Variants in IQANK1 observed in about 807,000 individuals in gnomAD.
The protein encoded by IQANK1 is IQ motif and ankyrin repeat domain-containing protein 1.
IQANK1 carries 30 observed loss-of-function variants against 22.6 expected under a neutral mutation model. The ratio of observed to expected loss-of-function variants is 1.33; its 90% confidence interval spans 0.99 to 1.80. The LOEUF is 1.80. IQANK1 is among the 40% of genes most tolerant of loss of function. IQANK1 has a pLI of 0.00. For missense variants in IQANK1, 275 were observed against 235.2 expected, an observed-to-expected ratio of 1.17 and a Z score of -1.11; for synonymous variants, 122 against 99.6, an observed-to-expected ratio of 1.23 and a Z score of -1.34.
intron 7 of IQANK1, among the ~76,000 whole-genome samples, chr8:143,785,253 C>CTTTTT (rs36118052): frequency 5.4e-5 from 5 of 92,010 alleles, no homozygotes; most frequent in Admixed American, 1.3e-4. Context: ...TGTTCTGTAT[C>CTTTTT]TTTTTTTTTT....
intron 3 of IQANK1, among the ~76,000 whole-genome samples, chr8:143,768,071 C>T (rs1021737608): frequency 1.3e-5 from 2 of 150,956 alleles, no homozygotes; most frequent in African/African-American, 2.4e-5. Flanking sequence ...TTAGTAGAGA[C>T]GGGGTTTCAC....
intron 3 of IQANK1, among the ~76,000 whole-genome samples, chr8:143,768,500 G>A (rs998910409): frequency 2.6e-5 from 4 of 152,074 alleles, no homozygotes; most frequent in African/African-American, 4.8e-5. Context: ...CCACTGAAAC[G>A]TGCGCCGGCG....
chr8:143,780,552 G>A (rs576708998), intron 7 of IQANK1, among the ~76,000 whole-genome samples: 32 of 152,054 alleles, frequency 2.1e-4, no homozygotes, highest in Admixed American at 1.0e-3. Flanking sequence ...TTTAGCTCCC[G>A]TTTACAGGTG....
chr8:143,755,739 C>T lies in IQANK1; in HGVS notation c.176-15749C>T, dbSNP rs530455379. Reference sequence around the variant, plus strand: ...CAAGAACAAATTCATATCTAGAATCCATTCCTCCAGTGAGGACACGCAGTG... The same window carrying T: ...CAAGAACAAATTCATATCTAGAATCTATTCCTCCAGTGAGGACACGCAGTG... On this transcript the variant is annotated intron_variant, in intron 3 of 13. Transcript: ENST00000527139. 5.9e-4 allele frequency among the ~76,000 whole-genome samples: 90 copies of T among 152,310 alleles called. 1 individual carries two copies. The highest frequency in any genetic ancestry group is 1.8e-3 in the African/African-American group (74 of 41,552).
intron 3 of IQANK1, among the ~76,000 whole-genome samples, chr8:143,740,298 C>T (rs1818871162): frequency 1.3e-5 from 2 of 152,176 alleles, no homozygotes; most frequent in South Asian, 2.1e-4. Context: ...GTGCCCGCCC[C>T]GCGCGCGCCG....
At chr8:143,747,708 T>C (rs1819057909) in intron 3 of IQANK1, among the ~76,000 whole-genome samples, 1 of 152,208 alleles carries the variant, frequency 6.6e-6, no homozygotes, top group South Asian at 2.1e-4. Context: ...ACTTCTGTTA[T>C]TGATTTCTAA....
At chr8:143,780,407 G>T (rs1404174534) in intron 7 of IQANK1, among the ~76,000 whole-genome samples, 1 of 151,952 alleles carries the variant, frequency 6.6e-6, no homozygotes, top group Non-Finnish European at 1.5e-5. Context: ...GGGATTTGTC[G>T]TACAGATTAT....
At chr8:143,736,264 C>T (rs782095904) in intron 2 of IQANK1, among the ~76,000 whole-genome samples, 9 of 152,090 alleles carry the variant, frequency 5.9e-5, no homozygotes, top group Non-Finnish European at 8.8e-5. Flanking sequence ...TTCAGCCTCC[C>T]GAGTAGCTGG....
At chr8:143,781,393 G>T (rs1389067554) in intron 7 of IQANK1, among the ~76,000 whole-genome samples, 1 of 152,062 alleles carries the variant, frequency 6.6e-6, no homozygotes, top group Non-Finnish European at 1.5e-5. Flanking sequence ...TGAAATTTTT[G>T]CCCGTTCTTA....
chr8:143,776,352 GA>G (rs1282501546), intron 7 of IQANK1, among the ~76,000 whole-genome samples: 29 of 143,246 alleles, frequency 2.0e-4, no homozygotes, highest in African/African-American at 7.1e-4. Flanking sequence ...AAAAGAAAAA[GA>G]AAAAAGAAAA....
rs189642812 is a variant in IQANK1, at chr8:143,772,164, C to T, written c.584C>T (p.Pro195Leu). The T allele has an allele frequency of 4.0e-3, 1,559 of 394,314 alleles. 4 individuals carry two copies. The highest frequency in any genetic ancestry group is 5.4e-3 in the Non-Finnish European group (1,200 of 223,286). The allele number at this position is 394,314 out of a possible 1,614,324, so 24.4% of individuals were successfully genotyped here. The change falls in exon 6 of 14, where the codon CCG becomes CTG. Residue 195 changes from proline (P) to leucine (L), a missense_variant. Pro to Leu is a moderately conservative substitution (Grantham distance 98). Transcript: ENST00000527139. ...TGCGAGGACAGCTACGGGAACACGCCGCTGTCGGAGGCGGCCGCAGGCGGG... is the reference window on the plus strand; with the variant it reads ...TGCGAGGACAGCTACGGGAACACGCTGCTGTCGGAGGCGGCCGCAGGCGGG... ...AECEDSYGNTPLSEAAAGGQP... is the reference protein window; with the variant it reads ...AECEDSYGNTLLSEAAAGGQP...
At chr8:143,743,722 G>T (rs1178544476) in intron 3 of IQANK1, 1 of 327,318 alleles carries the variant, frequency 3.1e-6, no homozygotes, top group Non-Finnish European at 6.0e-6. Flanking sequence ...GCCTCACAGT[G>T]CATATTTAAA....
At chr8:143,775,341 C>G (rs1296183444) in intron 7 of IQANK1, among the ~76,000 whole-genome samples, 2 of 150,196 alleles carry the variant, frequency 1.3e-5, no homozygotes, top group African/African-American at 5.0e-5. Context: ...ATGCTACACA[C>G]ACACACACAC....
intron 7 of IQANK1, among the ~76,000 whole-genome samples, chr8:143,783,168 A>C (rs1234757887): frequency 6.6e-6 from 1 of 152,212 alleles, no homozygotes; most frequent in Non-Finnish European, 1.5e-5. Flanking sequence ...ATATGTGCAC[A>C]GTTTTCCAAA....
At chr8:143,786,397 C>T (rs1246690545) in intron 7 of IQANK1, among the ~76,000 whole-genome samples, 1 of 152,172 alleles carries the variant, frequency 6.6e-6, no homozygotes, top group African/African-American at 2.4e-5. Context: ...TAAATTCCTT[C>T]ACTCACCCAC....
At chr8:143,786,147 G>A (rs1406126016) in intron 7 of IQANK1, among the ~76,000 whole-genome samples, 6 of 152,218 alleles carry the variant, frequency 3.9e-5, no homozygotes, top group Admixed American at 6.5e-5. Context: ...ACAGGCATGA[G>A]CCACCTTGCC....
At chr8:143,780,390 A>T (rs1819775527) in intron 7 of IQANK1, among the ~76,000 whole-genome samples, 1 of 152,076 alleles carries the variant, frequency 6.6e-6, no homozygotes, top group Non-Finnish European at 1.5e-5. Context: ...CAGGTGACAT[A>T]GTCATGGGGA....
At chr8:143,751,324 A>T (rs1406578780) in intron 3 of IQANK1, among the ~76,000 whole-genome samples, 1 of 152,094 alleles carries the variant, frequency 6.6e-6, no homozygotes, top group African/African-American at 2.4e-5. Flanking sequence ...ATAATTTAAA[A>T]ATATGGGCTG....
At chr8:143,789,130 G>C (rs1337293198) in intron 8 of IQANK1, 59 bp from the exon 9 acceptor site, 1 of 401,658 alleles carries the variant, frequency 2.5e-6, no homozygotes, top group Non-Finnish European at 4.4e-6. Flanking sequence ...AGCCCGGGCA[G>C]GGGGTGCTGG....
Sources: gnomAD v4.1 joint callset for allele counts (sites outside exome capture counted in the v4.1 genomes callset) on GRCh38, gnomAD v4.1.1 for gene constraint, MANE v1.5 for transcripts, NCBI Gene and HGNC (gene_info 2026-07-23, HGNC 2026-07-21) for gene names.